The following ABCB9 variants were observed in gnomAD, a reference collection of about 807,000 sequenced individuals.
The protein encoded by ABCB9 is ATP binding cassette subfamily B member 9.
ABCB9 carries 36 observed loss-of-function variants against 62.0 expected under a neutral mutation model. The observed-to-expected ratio is 0.58, with a 90% CI of 0.45 to 0.77. The LOEUF (loss-of-function observed/expected upper bound fraction) is 0.77. ABCB9 is among the 30% of genes least tolerant of loss of function. The pLI, the probability that ABCB9 is intolerant of heterozygous loss-of-function variation, is 0.00. For missense variants in ABCB9, 943 were observed against 1,054.7 expected (o/e 0.89, Z 1.47); for synonymous variants, 435 against 461.4 (o/e 0.94, Z 0.73).
At chr12:122,937,025 C>CTG (rs1178881976) in intron 9 of ABCB9, among the ~76,000 whole-genome samples, 39 of 152,116 alleles carry the variant, frequency 2.6e-4, no homozygotes, top group Admixed American at 5.9e-4. Flanking sequence ...GATCACACCA[C>CTG]CACATTCCAG....
intron 9 of ABCB9, among the ~76,000 whole-genome samples, chr12:122,938,126 CTT>C (rs2035554190): frequency 1.3e-5 from 2 of 152,242 alleles, no homozygotes; most frequent in South Asian, 4.1e-4. Flanking sequence ...GCTTTCTACT[CTT>C]AGGATTATAC....
At chr12:122,950,033 G>T in intron 3 of ABCB9, 115 bp from the exon 4 acceptor site, 2 of 1,434,894 alleles carry the variant, frequency 1.4e-6, no homozygotes, top group Non-Finnish European at 1.9e-6. Context: ...CCCACTCCAG[G>T]GCTGGCATCC....
At chr12:122,938,987 C>A (rs2035596561) in intron 9 of ABCB9, among the ~76,000 whole-genome samples, 1 of 152,112 alleles carries the variant, frequency 6.6e-6, no homozygotes, top group Admixed American at 6.5e-5. Flanking sequence ...GCCTGGGCAA[C>A]ACGGTGAAAC....
intron 1 of ABCB9, chr12:122,973,053 C>T (rs1438998649): frequency 1.3e-5 from 2 of 152,210 alleles, no homozygotes; most frequent in Non-Finnish European, 2.9e-5. Context: ...CTTAAGCAGT[C>T]AACAAAGATA....
At chr12:122,948,951 G>T in intron 4 of ABCB9, 122 bp from the exon 5 acceptor site, 153 of 557,620 alleles carry the variant, frequency 2.7e-4, no homozygotes, top group Non-Finnish European at 3.9e-4. Context: ...TGTGGGCGGG[G>T]TTGGGGGGTG....
chr12:122,924,450 A>G, downstream of ABCB9: 1 of 372,734 alleles, frequency 2.7e-6, no homozygotes, highest in Non-Finnish European at 4.3e-6. Flanking sequence ...TGGCAGCCTC[A>G]AACTCGTGGA....
Position 122,935,280 on chromosome 12 carries a change from TAGCCGTCCTGG to T in ABCB9, c.1884_1894del (p.Asp630HisfsTer35). The stretch of plus-strand genomic sequence containing the variant: ...CACCCCCAGCTCCACACCTGTGCTG[TAGCCGTCCTGG>T]AGTTCCATGATGAAGCCGTGGGCAT... On this transcript the variant is annotated frameshift_variant, in exon 10 of 12. Coordinates refer to ENST00000280560, the MANE Select transcript of ABCB9 (RefSeq NM_019625.4). LOFTEE classifies it high-confidence loss of function. 1 of 1,608,542 alleles carries T rather than the reference TAGCCGTCCTGG, an allele frequency of 6.2e-7. No individual in the cohort carries two copies. The highest frequency in any genetic ancestry group is 8.5e-7 in the Non-Finnish European group (1 of 1,177,198).
chr12:122,943,362 A>T (rs577898536), intron 7 of ABCB9, among the ~76,000 whole-genome samples: 1 of 152,248 alleles, frequency 6.6e-6, no homozygotes, highest in African/African-American at 2.4e-5. Flanking sequence ...CTGTCTCAGG[A>T]TCTGCTTGTG....
chr12:122,927,055 G>A (rs1317550385), downstream of ABCB9, among the ~76,000 whole-genome samples: 1 of 152,138 alleles, frequency 6.6e-6, no homozygotes, highest in Non-Finnish European at 1.5e-5. Context: ...TCCTAATTGT[G>A]ACAAATGTAC....
Position 122,944,256 on chromosome 12 carries a change from G to A in ABCB9, c.1380+135C>T. On this transcript the variant is annotated intron_variant, in intron 7 of 11. Coordinates refer to ENST00000280560, the MANE Select transcript of ABCB9 (RefSeq NM_019625.4). This position sits in a 1 kb window ranked among gnomAD's most constrained non-coding sequence, Gnocchi z 4.9. ...GTATTATCATTCTTGATATGATCAT[G>A]CTGTCTCCCCTACTTACCTTAGAGA... 1 of 1,299,616 alleles carries A rather than the reference G, an allele frequency of 7.7e-7. No homozygotes were observed. 80.5% of individuals were successfully genotyped at this position (1,299,616 alleles called of 1,614,324 possible). A position where few individuals can be genotyped will look rare whatever the true frequency, so the allele number is the denominator to read the frequency against.
downstream of ABCB9, among the ~76,000 whole-genome samples, chr12:122,927,569 G>A (rs369579087): frequency 2.6e-5 from 4 of 152,234 alleles, no homozygotes; most frequent in African/African-American, 9.6e-5. Context: ...TTTTGGGTGT[G>A]GGTTTACAAA....
In ABCB9 at chr12:122,935,303, G is replaced by T; in HGVS notation, c.1872C>A (p.Phe624Leu). 6.2e-7 allele frequency: 1 copy of T among 1,612,830 alleles called. No individual in the cohort carries two copies. The highest frequency in any genetic ancestry group is 8.5e-7 in the Non-Finnish European group (1 of 1,179,418). The part of the protein sequence containing the change: ...EAAQKANAHG[F>L]IMELQDGYST... ...TGTAGCCGTCCTGGAGTTCCATGAT[G>T]AAGCCGTGGGCATTGGCCTTCTGTG... The change falls in exon 10 of 12, where the codon TTC (phenylalanine) becomes TTA (leucine). Residue 624 changes from phenylalanine (F) to leucine (L), a missense_variant. Transcript: ENST00000280560.
intron 1 of ABCB9, among the ~76,000 whole-genome samples, chr12:122,961,126 T>G (rs2036876400): frequency 6.8e-6 from 1 of 147,538 alleles, no homozygotes; most frequent in Non-Finnish European, 1.5e-5. Context: ...AAGAGGGGGG[T>G]AAATAGGATG....
At chr12:122,971,956 A>T (rs1367856260) in intron 1 of ABCB9, among the ~76,000 whole-genome samples, 2 of 152,074 alleles carry the variant, frequency 1.3e-5, no homozygotes, top group Non-Finnish European at 2.9e-5. Context: ...AAATCTATTA[A>T]AAGTGGTTAA....
chr12:122,954,747 C>T (rs1326508422), intron 2 of ABCB9, among the ~76,000 whole-genome samples: 13 of 152,212 alleles, frequency 8.5e-5, no homozygotes, highest in Non-Finnish European at 2.9e-5. Flanking sequence ...CCCACCTCAG[C>T]CTTCCAAAGT....
chr12:122,924,659 G>A (rs2034840934), downstream of ABCB9: 7 of 1,495,362 alleles, frequency 4.7e-6, no homozygotes, highest in South Asian at 8.6e-5. Context: ...AGTAAACTAA[G>A]TCCTGGCGCC....
intron 10 of ABCB9, among the ~76,000 whole-genome samples, chr12:122,933,928 T>A (rs903166242): frequency 2.0e-5 from 3 of 152,250 alleles, no homozygotes; most frequent in Non-Finnish European, 4.4e-5. Context: ...TTAGCTATTT[T>A]CAAGTACACA....
At chr12:122,942,347 G>C (rs2035806438) in intron 7 of ABCB9, among the ~76,000 whole-genome samples, 1 of 152,018 alleles carries the variant, frequency 6.6e-6, no homozygotes. Context: ...CAGCACTTTG[G>C]GAGGCGGAGG....
At chr12:122,962,169 C>T (rs1312212116) in intron 1 of ABCB9, among the ~76,000 whole-genome samples, 4 of 152,194 alleles carry the variant, frequency 2.6e-5, no homozygotes, top group Non-Finnish European at 5.9e-5. Flanking sequence ...GCACTGGGTC[C>T]CTCAGGACTC....
Sources: allele counts gnomAD v4.1 joint callset (sites outside exome capture counted in the v4.1 genomes callset), GRCh38; gene constraint gnomAD v4.1.1; non-coding constraint Gnocchi (gnomAD v3.1); transcripts MANE v1.5; gene names NCBI Gene and HGNC (gene_info 2026-07-23, HGNC 2026-07-21).